The following GRIA4 variants were observed in gnomAD, a reference collection of about 807,000 sequenced individuals.
GRIA4 encodes the protein glutamate receptor 4.
Under a neutral mutation model 104.0 loss-of-function variants are expected in GRIA4, and 34 were observed. That is an observed-to-expected ratio of 0.33 (90% CI 0.25 to 0.44). The LOEUF (loss-of-function observed/expected upper bound fraction) is 0.44, where lower values mean the gene tolerates loss of function less well. GRIA4 is among the 20% of genes least tolerant of loss of function. The pLI is 1.00. For missense variants in GRIA4, 750 were observed against 1,096.5 expected (o/e 0.68, Z 4.46); for synonymous variants, 386 against 381.9 (o/e 1.01, Z -0.13).
At chr11:105,734,958 T>C (rs1200753849) in intron 3 of GRIA4, among the ~76,000 whole-genome samples, 1 of 152,214 alleles carries the variant, frequency 6.6e-6, no homozygotes, top group Admixed American at 6.5e-5. Context: ...TATTGTTGAA[T>C]GAATAGTTGT....
chr11:105,684,540 T>C (rs1591556906), intron 3 of GRIA4, among the ~76,000 whole-genome samples: 3 of 28,830 alleles, frequency 1.0e-4, no homozygotes, highest in South Asian at 3.6e-3. Context: ...CAAATATATA[T>C]ATATACATAT....
intron 16 of GRIA4, among the ~76,000 whole-genome samples, chr11:105,976,005 A>G (rs1178617393): frequency 6.6e-6 from 1 of 152,110 alleles, no homozygotes; most frequent in South Asian, 2.1e-4. Flanking sequence ...TAGCAAAACT[A>G]CAAAGTGGGA....
intron 3 of GRIA4, among the ~76,000 whole-genome samples, chr11:105,716,663 A>C (rs1183272766): frequency 6.6e-6 from 1 of 152,112 alleles, no homozygotes; most frequent in Non-Finnish European, 1.5e-5. Context: ...CAAGCAATAT[A>C]ATTCCCTAGA....
At chr11:105,649,911 A>C (rs536449699) in intron 3 of GRIA4, among the ~76,000 whole-genome samples, 1 of 152,228 alleles carries the variant, frequency 6.6e-6, no homozygotes, top group African/African-American at 2.4e-5. Context: ...TGAATCTCCC[A>C]TAGAATTGAC....
chr11:105,758,071 C>G (rs949884985), intron 4 of GRIA4, among the ~76,000 whole-genome samples: 2 of 152,004 alleles, frequency 1.3e-5, no homozygotes, highest in African/African-American at 4.8e-5. Flanking sequence ...TAGCAAGACC[C>G]TGTCTCTACA....
At chr11:105,642,280 G>A (rs1327962050) in intron 3 of GRIA4, among the ~76,000 whole-genome samples, 1 of 152,128 alleles carries the variant, frequency 6.6e-6, no homozygotes, top group Non-Finnish European at 1.5e-5. Flanking sequence ...AAGGTGGTCA[G>A]TAGGCAAGCT....
intron 5 of GRIA4, among the ~76,000 whole-genome samples, chr11:105,863,268 G>A (rs1945292051): frequency 1.3e-5 from 2 of 152,030 alleles, no homozygotes; most frequent in Non-Finnish European, 2.9e-5. Context: ...ATTTGTAAAA[G>A]TGAAAAGTAA....
chr11:105,639,739 A>G (rs1951306121), intron 3 of GRIA4, among the ~76,000 whole-genome samples: 2 of 152,008 alleles, frequency 1.3e-5, no homozygotes, highest in Admixed American at 1.3e-4. Flanking sequence ...GACATGATGC[A>G]GTTTCAACAC....
At chr11:105,642,678 T>C (rs1951405696) in intron 3 of GRIA4, among the ~76,000 whole-genome samples, 1 of 152,168 alleles carries the variant, frequency 6.6e-6, no homozygotes, top group Non-Finnish European at 1.5e-5. Context: ...TTGGGACTTC[T>C]GTTGGACTCG....
At chr11:105,972,092 A>C in intron 15 of GRIA4, 64 bp downstream of exon 15, 1 of 955,656 alleles carries the variant, frequency 1.0e-6, no homozygotes, top group Admixed American at 1.8e-5. Flanking sequence ...AGCAATTGTC[A>C]AAAGTATATG....
chr11:105,636,380 A>G (rs1484541587), intron 3 of GRIA4, among the ~76,000 whole-genome samples: 1 of 152,236 alleles, frequency 6.6e-6, no homozygotes, highest in South Asian at 2.1e-4. Context: ...GCCATTTTAC[A>G]TTTTGTTCAA....
At chr11:105,808,272 T>C (rs1943030443) in intron 4 of GRIA4, among the ~76,000 whole-genome samples, 1 of 152,006 alleles carries the variant, frequency 6.6e-6, no homozygotes, top group Non-Finnish European at 1.5e-5. Flanking sequence ...ATTAAAATGC[T>C]ACTCATATCT....
chr11:105,632,733 A>G (rs1199283862), intron 3 of GRIA4, among the ~76,000 whole-genome samples: 2 of 152,198 alleles, frequency 1.3e-5, no homozygotes, highest in African/African-American at 2.4e-5. Flanking sequence ...CAAGAGTTCA[A>G]GACCAGTCTG....
In GRIA4 at chr11:105,919,302, G is replaced by A. The variant is rs185989009; in HGVS notation, c.1476+384G>A. Among the ~76,000 whole-genome samples, 297 of 152,082 alleles carry A rather than the reference G, an allele frequency of 2.0e-3. 3 individuals carry two copies. Among genetic ancestry groups the A allele is most frequent in the African/African-American group, 6.8e-3 (283 of 41,492 alleles). On this transcript the variant is annotated intron_variant, in intron 11 of 16. Coordinates refer to ENST00000282499, the MANE Select transcript of GRIA4 (RefSeq NM_000829.4). ...GGTTTCCTTCAACAATATAAAGATGGTCATTATTTTAGATAGTTATTTGTA... is the reference window on the plus strand; with the variant it reads ...GGTTTCCTTCAACAATATAAAGATGATCATTATTTTAGATAGTTATTTGTA...
intron 3 of GRIA4, among the ~76,000 whole-genome samples, chr11:105,738,031 C>T (rs1187436323): frequency 3.4e-5 from 5 of 146,610 alleles, no homozygotes; most frequent in African/African-American, 2.5e-5. Flanking sequence ...CTGCCCTGTT[C>T]GCTTTCCCCA....
chr11:105,958,929 A>G (rs1015479588), intron 14 of GRIA4, among the ~76,000 whole-genome samples: 12 of 152,280 alleles, frequency 7.9e-5, no homozygotes, highest in African/African-American at 2.9e-4. Context: ...AGAATGTTAA[A>G]TATTGACCCC....
intron 3 of GRIA4, among the ~76,000 whole-genome samples, chr11:105,679,051 T>C (rs563451037): frequency 3.9e-5 from 6 of 152,086 alleles, no homozygotes; most frequent in Non-Finnish European, 8.8e-5. Context: ...AGGATGTGTA[T>C]ATATAGAAAA....
intron 4 of GRIA4, among the ~76,000 whole-genome samples, chr11:105,787,372 C>G (rs1942016108): frequency 6.6e-6 from 1 of 151,344 alleles, no homozygotes; most frequent in Non-Finnish European, 1.5e-5. Context: ...ACGTAAGATA[C>G]TGTTATAAGT....
chr11:105,710,770 T>A (rs905658539), intron 3 of GRIA4, among the ~76,000 whole-genome samples: 1 of 152,098 alleles, frequency 6.6e-6, no homozygotes, highest in African/African-American at 2.4e-5. Context: ...ACTTGACTAA[T>A]AAAATTCATG....
Sources: allele counts gnomAD v4.1 joint callset (sites outside exome capture counted in the v4.1 genomes callset), GRCh38; gene constraint gnomAD v4.1.1; transcripts MANE v1.5; gene names NCBI Gene and HGNC (gene_info 2026-07-23, HGNC 2026-07-21).